The following INPP5A variants were observed in gnomAD, a reference collection of about 807,000 sequenced individuals.
INPP5A encodes inositol polyphosphate-5-phosphatase A.
Under a neutral mutation model 65.2 loss-of-function variants are expected in INPP5A, and 14 were observed. The observed-to-expected ratio is 0.21, with a 90% CI of 0.14 to 0.34. The LOEUF (loss-of-function observed/expected upper bound fraction) is 0.34. Ranked by LOEUF, INPP5A falls within the 10% of genes least tolerant of loss-of-function variation. The probability of loss-of-function intolerance (pLI) is 1.00; values close to 1 mark genes in which losing one functional copy is unlikely to be tolerated. For missense variants in INPP5A, 431 were observed against 545.6 expected (o/e 0.79, Z 2.09); for synonymous variants, 207 against 208.3 (o/e 0.99, Z 0.05).
intron 11 of INPP5A, among the ~76,000 whole-genome samples, chr10:132,760,839 C>T (rs1375409605): frequency 1.3e-5 from 2 of 152,216 alleles, no homozygotes; most frequent in Admixed American, 6.5e-5. Flanking sequence ...GGAGAAGCCC[C>T]AGGTCTAACT....
chr10:132,687,454 A>G (rs1377739121), intron 4 of INPP5A, among the ~76,000 whole-genome samples: 1 of 152,226 alleles, frequency 6.6e-6, no homozygotes, highest in Non-Finnish European at 1.5e-5. Context: ...GGGCCTGAGG[A>G]CACAGCCCCA....
At chr10:132,553,716 G>A (rs1460665500) in intron 1 of INPP5A, among the ~76,000 whole-genome samples, 1 of 147,174 alleles carries the variant, frequency 6.8e-6, no homozygotes, top group African/African-American at 2.5e-5. Context: ...GTGGGATAGG[G>A]AGGGAGGATT....
At chr10:132,778,116 C>T (rs972002998) in intron 13 of INPP5A, among the ~76,000 whole-genome samples, 4 of 152,120 alleles carry the variant, frequency 2.6e-5, no homozygotes, top group East Asian at 3.9e-4. Context: ...TGCTCTTGTG[C>T]GTTCCAGCGC....
intron 1 of INPP5A, among the ~76,000 whole-genome samples, chr10:132,597,883 C>T (rs1470792120): frequency 2.6e-5 from 4 of 151,058 alleles, no homozygotes; most frequent in African/African-American, 9.8e-5. Context: ...GTGCGTGTTC[C>T]GGGGCTGTGC....
In INPP5A at chr10:132,737,223, G is replaced by A. The variant is rs543538287; in HGVS notation, c.732+10318G>A. ...GAGCGGACTCGATGTGGCAACATGG[G>A]CACAGTGTGTGTCCAGAGGGCAGGT... On this transcript the variant is annotated intron_variant, in intron 9 of 15. Transcript: ENST00000368594. Among the ~76,000 whole-genome samples the A allele has an allele frequency of 2.0e-5, 3 of 152,348 alleles. No individual in the cohort carries two copies. In the South Asian group the frequency reaches 6.2e-4, roughly 32 times the overall value.
intron 1 of INPP5A, among the ~76,000 whole-genome samples, chr10:132,554,268 G>A (rs974263813): frequency 1.3e-5 from 2 of 152,180 alleles, no homozygotes; most frequent in Non-Finnish European, 2.9e-5. Context: ...CTGGCTCCAC[G>A]GCTGTGGTCA....
intron 1 of INPP5A, among the ~76,000 whole-genome samples, chr10:132,600,421 AC>A (rs2071760822): frequency 6.6e-6 from 1 of 152,186 alleles, no homozygotes; most frequent in Non-Finnish European, 1.5e-5. Flanking sequence ...TCTATCTGAG[AC>A]CACCTCAGCC....
At chr10:132,596,930 T>TGTGC (rs1268077071) in intron 1 of INPP5A, among the ~76,000 whole-genome samples, 3 of 47,584 alleles carry the variant, frequency 6.3e-5, no homozygotes, top group Admixed American at 3.1e-4. Flanking sequence ...TGCGCGCATG[T>TGTGC]GCACGCATGT....
Position 132,637,484 on chromosome 10 carries a change from G to C in INPP5A, c.118-8384G>C, listed in dbSNP as rs925011130. On this transcript the variant is annotated intron_variant, in intron 2 of 15. Transcript: ENST00000368594. The surrounding 1 kb of genome is among the most constrained non-coding windows in gnomAD (Gnocchi z 4.1). ...GTTAGGTGTTTCGGGTGTCCTTTGG[G>C]TCCCTGATCCTCCAAATGTTCCTCC... is the stretch of plus-strand genomic sequence containing the variant. Among the ~76,000 whole-genome samples the C allele has an allele frequency of 6.6e-6, 1 of 151,406 alleles. No homozygotes were observed. The highest frequency in any genetic ancestry group is 1.5e-5 in the Non-Finnish European group (1 of 68,002).
intron 1 of INPP5A, among the ~76,000 whole-genome samples, chr10:132,548,744 G>A (rs902149777): frequency 2.0e-5 from 3 of 147,690 alleles, no homozygotes; most frequent in Admixed American, 6.7e-5. Context: ...ATAACGCAGC[G>A]TTTCAAGGTT....
intron 2 of INPP5A, among the ~76,000 whole-genome samples, chr10:132,640,382 C>G (rs2072410774): frequency 6.6e-6 from 1 of 152,226 alleles, no homozygotes; most frequent in African/African-American, 2.4e-5. Context: ...GCTCTTCCCT[C>G]CAGGGTTGCC....
chr10:132,767,748 G>T (rs1421893806), intron 12 of INPP5A, among the ~76,000 whole-genome samples: 5 of 150,318 alleles, frequency 3.3e-5, no homozygotes, highest in Non-Finnish European at 7.4e-5. Flanking sequence ...GGGTGCCCAT[G>T]CGCCCAGTGG....
intron 4 of INPP5A, among the ~76,000 whole-genome samples, chr10:132,683,485 G>A (rs1470790208): frequency 4.6e-5 from 7 of 152,086 alleles, no homozygotes; most frequent in African/African-American, 1.7e-4. Context: ...ACGTGTACAT[G>A]TGTGTATTAC....
chr10:132,561,078 G>A (rs996386903), intron 1 of INPP5A, among the ~76,000 whole-genome samples: 9 of 142,716 alleles, frequency 6.3e-5, no homozygotes, highest in African/African-American at 2.4e-4. Flanking sequence ...TTTTGAGACA[G>A]GGTCTTCCCC....
chr10:132,741,984 A>C lies in INPP5A; in HGVS notation c.733-7533A>C, dbSNP rs1846281318. On this transcript the variant is annotated intron_variant, in intron 9 of 15. Coordinates refer to ENST00000368594, the MANE Select transcript of INPP5A (RefSeq NM_005539.5). This position sits in a 1 kb window ranked among gnomAD's most constrained non-coding sequence, Gnocchi z 4.4. Reference sequence around the variant, plus strand: ...CCTGAGGGAGAGCAAAGGCCAGGTCAGAGCTGTGTGGGACAGGAGGTGTCC... The same window carrying C: ...CCTGAGGGAGAGCAAAGGCCAGGTCCGAGCTGTGTGGGACAGGAGGTGTCC... Among the ~76,000 whole-genome samples the C allele has an allele frequency of 6.6e-6, 1 of 152,214 alleles. No individual in the cohort carries two copies. The highest frequency in any genetic ancestry group is 2.4e-5 in the African/African-American group (1 of 41,456).
chr10:132,745,129 G>A lies in INPP5A; in HGVS notation c.733-4388G>A, dbSNP rs540390584. Among the ~76,000 whole-genome samples, 26 of 152,348 alleles carry A rather than the reference G, an allele frequency of 1.7e-4. 1 individual carries two copies. Among genetic ancestry groups the A allele is most frequent in the African/African-American group, 3.8e-4 (16 of 41,586 alleles). On this transcript the variant is annotated intron_variant, in intron 9 of 15. Coordinates refer to ENST00000368594, the MANE Select transcript of INPP5A (RefSeq NM_005539.5). ...GGAGGGCCTGGGGACACAGGGTGACGTGGTGGGAGGGCGCTATGGCCTGTC... is the reference window on the plus strand; with the variant it reads ...GGAGGGCCTGGGGACACAGGGTGACATGGTGGGAGGGCGCTATGGCCTGTC...
chr10:132,701,144 C>T (rs902131618), intron 6 of INPP5A, among the ~76,000 whole-genome samples: 3 of 152,200 alleles, frequency 2.0e-5, no homozygotes, highest in African/African-American at 4.8e-5. Context: ...TTTATGCCGT[C>T]TTTTAGTAGA....
intron 8 of INPP5A, among the ~76,000 whole-genome samples, chr10:132,713,568 G>A (rs532254705): frequency 5.3e-5 from 8 of 152,222 alleles, no homozygotes; most frequent in African/African-American, 1.2e-4. Flanking sequence ...GCCCTGAGGC[G>A]TGGCCCCTTA....
At position 132,705,563 on chromosome 10, in the gene INPP5A, C is replaced by T. The variant is rs975079641; in HGVS notation, c.475-2750C>T. On this transcript the variant is annotated intron_variant, in intron 6 of 15. Coordinates refer to ENST00000368594, the MANE Select transcript of INPP5A (RefSeq NM_005539.5). This position sits in a 1 kb window ranked among gnomAD's most constrained non-coding sequence, Gnocchi z 4.9. Reference sequence around the variant, plus strand: ...CTGGCGTCCAAGTGCGTGGCCAGGCCGGGAGGAGTGTACAGGAAGTCTCTG... The same window carrying T: ...CTGGCGTCCAAGTGCGTGGCCAGGCTGGGAGGAGTGTACAGGAAGTCTCTG... 3.9e-5 allele frequency among the ~76,000 whole-genome samples: 6 copies of T among 152,192 alleles called. No individual in the cohort carries two copies. The highest frequency in any genetic ancestry group is 9.7e-5 in the African/African-American group (4 of 41,440).
Sources: gnomAD v4.1 joint callset for allele counts (sites outside exome capture counted in the v4.1 genomes callset) on GRCh38, gnomAD v4.1.1 for gene constraint, Gnocchi (gnomAD v3.1) non-coding constraint, MANE v1.5 for transcripts, NCBI Gene and HGNC (gene_info 2026-07-23, HGNC 2026-07-21) for gene names.